Variants in CRACR2A observed in about 807,000 individuals in gnomAD.
The protein encoded by CRACR2A is calcium release activated channel regulator 2A, also known as EF-hand calcium-binding domain-containing protein 4B.
CRACR2A carries 79 observed loss-of-function variants against 90.5 expected under a neutral mutation model. The observed-to-expected ratio is 0.87, with a 90% confidence interval of 0.73 to 1.05. The LOEUF is 1.05. Among genes scored for constraint, CRACR2A ranks in the 50% least tolerant of loss-of-function variants. The pLI, the probability that CRACR2A is intolerant of heterozygous loss-of-function variation, is 0.00. For missense variants in CRACR2A, 823 were observed against 897.2 expected (o/e 0.92, Z 1.06); for synonymous variants, 338 against 356.7 (o/e 0.95, Z 0.59).
intron 8 of CRACR2A, among the ~76,000 whole-genome samples, chr12:3,657,848 T>C (rs1944943725): frequency 6.6e-6 from 1 of 152,124 alleles, no homozygotes. Flanking sequence ...TAGCATCACA[T>C]CCTGGGGTTG....
intron 17 of CRACR2A, among the ~76,000 whole-genome samples, chr12:3,624,978 G>A (rs902150005): frequency 1.3e-5 from 2 of 150,382 alleles, no homozygotes; most frequent in Non-Finnish European, 1.5e-5. Context: ...TGGGAGAGAA[G>A]GCCCTGGCCC....
chr12:3,667,080 C>T (rs184557484), intron 7 of CRACR2A, among the ~76,000 whole-genome samples: 22 of 152,262 alleles, frequency 1.4e-4, no homozygotes, highest in African/African-American at 5.3e-4. Context: ...TTATGTCTCC[C>T]GGTTTGCAAA....
intron 4 of CRACR2A, among the ~76,000 whole-genome samples, chr12:3,683,924 C>G (rs536173610): frequency 2.6e-5 from 4 of 152,304 alleles, no homozygotes; most frequent in African/African-American, 9.6e-5. Flanking sequence ...CTCAGCAAGA[C>G]TCATAGTGAC....
intron 7 of CRACR2A, among the ~76,000 whole-genome samples, chr12:3,661,418 A>G (rs1395168296): frequency 6.6e-6 from 1 of 152,192 alleles, no homozygotes; most frequent in African/African-American, 2.4e-5. Context: ...TGGGCTCAGC[A>G]AGAGATGACA....
intron 2 of CRACR2A, among the ~76,000 whole-genome samples, chr12:3,718,789 C>T (rs2137799487): frequency 6.6e-6 from 1 of 152,280 alleles, no homozygotes. Context: ...GGAGTGTAAG[C>T]TCCATGAAGG....
intron 1 of CRACR2A, among the ~76,000 whole-genome samples, chr12:3,733,635 C>A (rs569860253): frequency 1.3e-5 from 2 of 152,142 alleles, no homozygotes; most frequent in Non-Finnish European, 2.9e-5. Flanking sequence ...GGACTGAATC[C>A]GGGCCCTTGA....
intron 18 of CRACR2A, 37 bp downstream of exon 18, chr12:3,619,233 AC>A: frequency 6.6e-7 from 1 of 1,520,212 alleles, no homozygotes; most frequent in Non-Finnish European, 8.9e-7. Context: ...CCTCGGGGTC[AC>A]ACTCTGTCCA....
intron 1 of CRACR2A, among the ~76,000 whole-genome samples, chr12:3,740,673 G>A (rs1426949245): frequency 6.6e-6 from 1 of 152,150 alleles, no homozygotes; most frequent in East Asian, 1.9e-4. Context: ...GTTGCTGTGT[G>A]AATTGCAAAC....
intron 14 of CRACR2A, among the ~76,000 whole-genome samples, chr12:3,636,997 G>GT (rs1244121505): frequency 6.6e-6 from 1 of 152,206 alleles, no homozygotes; most frequent in Admixed American, 6.5e-5. Flanking sequence ...GTTTCAGAAG[G>GT]CGGAGTGCAG....
chr12:3,641,164 A>G (rs2137377063), intron 13 of CRACR2A, among the ~76,000 whole-genome samples: 1 of 152,190 alleles, frequency 6.6e-6, no homozygotes, highest in Admixed American at 6.5e-5. Context: ...GCCAACATGG[A>G]GAAATCCCAT....
rs1488235713 is a variant in CRACR2A at position 3,673,500 on chromosome 12, G to A, written c.617C>T (p.Ser206Phe). ...CTCCTCATGGGCTTCTTGGAGCTGG[G>A]AGATGATTCTGGTCAGGAAGTCTTC... is the stretch of plus-strand genomic sequence containing the variant. ...NFEDFLTRIISQLQEAHEEKN... is the reference protein window; with the variant it reads ...NFEDFLTRIIFQLQEAHEEKN... The change falls in exon 7 of 20, where the codon TCC becomes TTC. Residue 206 changes from serine to phenylalanine, a missense_variant. Transcript: ENST00000440314. 6.2e-7 allele frequency: 1 copy of A among 1,614,070 alleles called. No homozygotes were observed. The highest frequency in any genetic ancestry group is 1.3e-5 in the African/African-American group (1 of 74,932).
chr12:3,620,756 G>A (rs1565459971), intron 17 of CRACR2A, among the ~76,000 whole-genome samples: 1 of 152,120 alleles, frequency 6.6e-6, no homozygotes, highest in African/African-American at 2.4e-5. Context: ...GTATCTATTG[G>A]TCAGATGGTA....
Position 3,627,476 on chromosome 12 carries a change from T to G in CRACR2A, c.1892A>C (p.Gln631Pro). 6.4e-7 allele frequency: 1 copy of G among 1,552,042 alleles called. No homozygotes were observed. The highest frequency in any genetic ancestry group is 8.7e-7 in the Non-Finnish European group (1 of 1,147,086). Residue 631 changes from glutamine to proline, a missense_variant, in exon 17 of 20, where the codon CAG (glutamine) becomes CCG (proline). Coordinates refer to ENST00000440314, the MANE Select transcript of CRACR2A (RefSeq NM_001144958.2). ...CCACCGCCGGACCGACAGGAACGAC[T>G]GCTTGTCTGTGAGATCGTACATGAC... ...VIVMYDLTDK[Q>P]SFLSVRRWLS...
intron 6 of CRACR2A, among the ~76,000 whole-genome samples, chr12:3,677,207 T>C (rs1166768813): frequency 1.3e-5 from 2 of 152,194 alleles, no homozygotes; most frequent in East Asian, 1.9e-4. Context: ...ACACAAATCA[T>C]TTTGGTGAGC....
At chr12:3,638,724 A>G (rs929084832) in intron 13 of CRACR2A, among the ~76,000 whole-genome samples, 4 of 152,242 alleles carry the variant, frequency 2.6e-5, no homozygotes, top group African/African-American at 9.6e-5. Flanking sequence ...TGCCATTTAC[A>G]GATGGACATA....
At chr12:3,675,016 G>A (rs948067723) in intron 6 of CRACR2A, among the ~76,000 whole-genome samples, 9 of 151,974 alleles carry the variant, frequency 5.9e-5, no homozygotes, top group African/African-American at 1.7e-4. Flanking sequence ...ATGGAAAATC[G>A]CTTATGACCC....
chr12:3,684,368 C>A (rs1172733483), intron 4 of CRACR2A, among the ~76,000 whole-genome samples: 2 of 152,104 alleles, frequency 1.3e-5, no homozygotes, highest in African/African-American at 4.8e-5. Context: ...GGGCTGATTA[C>A]GTGGTATAGG....
chr12:3,630,997 T>A (rs1409934683), intron 15 of CRACR2A, among the ~76,000 whole-genome samples: 3 of 152,218 alleles, frequency 2.0e-5, no homozygotes, highest in Non-Finnish European at 4.4e-5. Context: ...GGAGATGGGC[T>A]GGAGCCCTGT....
In CRACR2A at chr12:3,720,464, A is replaced by AAAGAAAGCAAGC. The variant is rs1478961662; in HGVS notation, c.-117-7148_-117-7147insGCTTGCTTTCTT. On this transcript the variant is annotated intron_variant, in intron 2 of 19. Transcript: ENST00000440314. ...GAAAGAAAGAAAGAAAGAAAGAAAG[A>AAAGAAAGCAAGC]AAGCAAAAGAAAAAAAGAAACAAAT... 3.8e-3 allele frequency among the ~76,000 whole-genome samples: 576 copies of AAAGAAAGCAAGC among 150,822 alleles called. 7 individuals are homozygous for AAAGAAAGCAAGC. The highest frequency in any genetic ancestry group is 0.014 in the African/African-American group (554 of 40,522).
Sources: allele counts gnomAD v4.1 joint callset (sites outside exome capture counted in the v4.1 genomes callset), GRCh38; gene constraint gnomAD v4.1.1; transcripts MANE v1.5; gene names NCBI Gene and HGNC (gene_info 2026-07-23, HGNC 2026-07-21).